ZFPM1: variants seen among roughly 807,000 people sequenced by gnomAD.
ZFPM1 encodes zinc finger protein, FOG family member 1.
In ZFPM1, 28 loss-of-function variants were observed where a neutral mutation model predicts 46.3. That is an observed-to-expected ratio of 0.60 (90% CI 0.45 to 0.83). ZFPM1 has a LOEUF of 0.83. Among genes scored for constraint, ZFPM1 ranks in the 40% least tolerant of loss-of-function variants. ZFPM1 has a pLI of 0.00. For synonymous variants in ZFPM1, 957 were observed against 675.9 expected, an observed-to-expected ratio of 1.42 and a Z score of -6.45; for missense variants, 1,878 against 1,432.4, an observed-to-expected ratio of 1.31 and a Z score of -5.02.
chr16:88,513,465 G>A (rs922563030), intron 3 of ZFPM1, among the ~76,000 whole-genome samples: 5 of 152,246 alleles, frequency 3.3e-5, no homozygotes, highest in East Asian at 1.9e-4. Flanking sequence ...ACAGCACTGC[G>A]GCCAGGGGAC....
intron 3 of ZFPM1, 66 bp downstream of exon 3, chr16:88,489,219 C>T (rs574324008): frequency 1.5e-4 from 230 of 1,520,002 alleles, no homozygotes; most frequent in Non-Finnish European, 2.0e-4. Context: ...CCCCTGGGAG[C>T]AGGGCGACGT....
At position 88,472,790 on chromosome 16, in the gene ZFPM1, C is replaced by T. The variant is rs543845273; in HGVS notation, c.41-13149C>T. On this transcript the variant is annotated intron_variant, in intron 1 of 9. Coordinates refer to ENST00000319555, the MANE Select transcript of ZFPM1 (RefSeq NM_153813.3). Reference sequence around the variant, plus strand: ...GGGTCCCCATAACTCCACGCCCTCCCGGCACAGGCTCTCCCTGATGGTGGC... The same window carrying T: ...GGGTCCCCATAACTCCACGCCCTCCTGGCACAGGCTCTCCCTGATGGTGGC... 4.6e-5 allele frequency among the ~76,000 whole-genome samples: 7 copies of T among 152,386 alleles called. No homozygotes were observed. The South Asian group carries it at 6.2e-4, about 14-fold the overall frequency.
At chr16:88,462,671 G>A (rs1231820126) in intron 1 of ZFPM1, among the ~76,000 whole-genome samples, 1 of 152,214 alleles carries the variant, frequency 6.6e-6, no homozygotes, top group African/African-American at 2.4e-5. Flanking sequence ...TTGGAATCCT[G>A]GAGTGGAGAA....
chr16:88,487,368 C>T (rs915066511), intron 2 of ZFPM1, among the ~76,000 whole-genome samples: 3 of 152,238 alleles, frequency 2.0e-5, no homozygotes, highest in Non-Finnish European at 2.9e-5. Flanking sequence ...GAATTACCCC[C>T]ACTCCAACGT....
intron 1 of ZFPM1, among the ~76,000 whole-genome samples, chr16:88,461,207 C>A (rs1450996021): frequency 9.6e-4 from 102 of 106,760 alleles, no homozygotes; most frequent in Non-Finnish European, 1.5e-3. Context: ...TGGTGAGGAC[C>A]CAGGGGCGGG....
rs1181192008 is a variant in ZFPM1 at position 88,497,923 on chromosome 16, C to T, written c.268+8770C>T. ...TCGGGTGGAGGCTGAGGCGGGGGCC[C>T]GGCCTGATGGACAGCAGGGAGATGG... is the stretch of plus-strand genomic sequence containing the variant. On this transcript the variant is annotated intron_variant, in intron 3 of 9. Coordinates refer to ENST00000319555, the MANE Select transcript of ZFPM1 (RefSeq NM_153813.3). The surrounding 1 kb of genome is among the most constrained non-coding windows in gnomAD (Gnocchi z 5.4). 2.0e-5 allele frequency among the ~76,000 whole-genome samples: 3 copies of T among 152,220 alleles called. No individual in the cohort carries two copies. Among genetic ancestry groups the T allele is most frequent in the South Asian group, 2.1e-4 (1 of 4,836 alleles).
Position 88,499,653 on chromosome 16 carries a change from G to A in ZFPM1, c.268+10500G>A, listed in dbSNP as rs568671188. On this transcript the variant is annotated intron_variant, in intron 3 of 9. Coordinates refer to ENST00000319555, the MANE Select transcript of ZFPM1 (RefSeq NM_153813.3). ...CTGGCTGGGTGGAGGACGGCTCAGGGGCAGACAGAGGGAGATCTGAGAAAG... is the reference window on the plus strand; with the variant it reads ...CTGGCTGGGTGGAGGACGGCTCAGGAGCAGACAGAGGGAGATCTGAGAAAG... 2.6e-5 allele frequency among the ~76,000 whole-genome samples: 4 copies of A among 152,360 alleles called. No individual in the cohort carries two copies. The East Asian group carries it at 7.7e-4, about 29-fold the overall frequency.
intron 1 of ZFPM1, among the ~76,000 whole-genome samples, chr16:88,454,230 C>A (rs1907432691): frequency 6.6e-6 from 1 of 152,194 alleles, no homozygotes; most frequent in African/African-American, 2.4e-5. Context: ...CCGCGCCCAC[C>A]CCCACCGGTG....
intron 4 of ZFPM1, among the ~76,000 whole-genome samples, chr16:88,522,576 C>T (rs1262924277): frequency 2.0e-5 from 3 of 152,264 alleles, no homozygotes; most frequent in South Asian, 2.1e-4. Flanking sequence ...GTTGTCACAG[C>T]GGATGCTGCA....
At position 88,453,304 on chromosome 16, in the gene ZFPM1, T is replaced by G; in HGVS notation, c.-335T>G. 6.8e-6 allele frequency: 1 copy of G among 146,050 alleles called. No individual in the cohort carries two copies. Among genetic ancestry groups the G allele is most frequent in the African/African-American group, 2.5e-5 (1 of 40,548 alleles). 9.0% of individuals were successfully genotyped at this position (146,050 alleles called of 1,614,324 possible). A position where few individuals can be genotyped will look rare whatever the true frequency, so the allele number is the denominator to read the frequency against. On this transcript the variant is annotated 5_prime_UTR_variant, in exon 1 of 10. Transcript: ENST00000319555. ...CAGCCCGCCAGGAGCGCCCTCGCAGTGGCCGCCTGCTCCGCCGCTCGCCGC... is the reference window on the plus strand; with the variant it reads ...CAGCCCGCCAGGAGCGCCCTCGCAGGGGCCGCCTGCTCCGCCGCTCGCCGC...
chr16:88,520,567 T>A (rs111067846), intron 4 of ZFPM1, among the ~76,000 whole-genome samples: 19 of 118,102 alleles, frequency 1.6e-4, no homozygotes, highest in African/African-American at 7.0e-4. Flanking sequence ...GATGGATGGA[T>A]GGATGGATGG....
intron 3 of ZFPM1, among the ~76,000 whole-genome samples, chr16:88,505,952 A>T (rs1473865294): frequency 6.6e-6 from 1 of 152,190 alleles, no homozygotes; most frequent in Non-Finnish European, 1.5e-5. Flanking sequence ...ACAGCCATCC[A>T]CAGTGAGTGC....
At chr16:88,488,969 A>G in intron 2 of ZFPM1, 62 bp from the exon 3 acceptor site, 1 of 1,555,326 alleles carries the variant, frequency 6.4e-7, no homozygotes, top group South Asian at 1.2e-5. Flanking sequence ...TCCCAGCTAC[A>G]GGGAGGGGCA....
At chr16:88,523,189 A>C (rs1912033787) in intron 4 of ZFPM1, among the ~76,000 whole-genome samples, 2 of 148,972 alleles carry the variant, frequency 1.3e-5, no homozygotes, top group Admixed American at 1.3e-4. Context: ...CTGGGGGACA[A>C]GAGTGAGACT....
chr16:88,509,858 C>A (rs894990776), intron 3 of ZFPM1, among the ~76,000 whole-genome samples: 1 of 152,154 alleles, frequency 6.6e-6, no homozygotes, highest in East Asian at 1.9e-4. Flanking sequence ...GCTCCTCTAC[C>A]GGCTTGCTGC....
chr16:88,472,618 C>G (rs1264082275), intron 1 of ZFPM1, among the ~76,000 whole-genome samples: 1 of 152,202 alleles, frequency 6.6e-6, no homozygotes, highest in Non-Finnish European at 1.5e-5. Context: ...TCCCAAAGTG[C>G]TGGGATTACA....
chr16:88,526,707 C>G (rs991565159), intron 4 of ZFPM1, 107 bp from the exon 5 acceptor site: 136 of 1,260,426 alleles, frequency 1.1e-4, no homozygotes, highest in Non-Finnish European at 1.4e-4. Context: ...GCCTACCAGC[C>G]AAGCCGGGAG....
Position 88,528,088 on chromosome 16 carries a change from G to A in ZFPM1, c.562G>A (p.Val188Met), listed in dbSNP as rs775802670. ...GGTGCCTGCGGGGGGACTCCTGAGCGTGCTCCTCACGGCCGAGCCCCACAG... is the reference window on the plus strand; with the variant it reads ...GGTGCCTGCGGGGGGACTCCTGAGCATGCTCCTCACGGCCGAGCCCCACAG... ...KPVPAGGLLSVLLTAEPHSTP... is the reference protein window; with the variant it reads ...KPVPAGGLLSMLLTAEPHSTP... The change falls in exon 6 of 10, where the codon GTG becomes ATG. Residue 188 changes from valine to methionine, a missense_variant. Val to Met is a conservative substitution (Grantham distance 21). Transcript: ENST00000319555. The A allele has an allele frequency of 5.8e-5, 92 of 1,573,520 alleles. No homozygotes were observed. Among genetic ancestry groups the A allele is most frequent in the South Asian group, 2.3e-4 (20 of 86,376 alleles).
intron 1 of ZFPM1, among the ~76,000 whole-genome samples, chr16:88,485,510 G>A (rs1597242199): frequency 6.6e-6 from 1 of 151,770 alleles, no homozygotes; most frequent in Non-Finnish European, 1.5e-5. Context: ...TGCAATCGCG[G>A]CTCACTGCAG....
Sources: gnomAD v4.1 joint callset for allele counts (sites outside exome capture counted in the v4.1 genomes callset) on GRCh38, gnomAD v4.1.1 for gene constraint, Gnocchi (gnomAD v3.1) non-coding constraint, MANE v1.5 for transcripts, NCBI Gene and HGNC (gene_info 2026-07-23, HGNC 2026-07-21) for gene names.